The following RHOF variants were observed in gnomAD, a reference collection of about 807,000 sequenced individuals.
The protein encoded by RHOF is ras homolog family member F, filopodia associated.
A neutral mutation model predicts 22.2 loss-of-function variants in RHOF; 21 were observed. The observed-to-expected ratio is 0.95, with a 90% CI of 0.67 to 1.36. The LOEUF is 1.36. Among genes scored for constraint, RHOF ranks in the 40% most tolerant of loss-of-function variants. RHOF has a pLI of 0.00. For missense variants in RHOF, 285 were observed against 293.7 expected, an observed-to-expected ratio of 0.97 and a Z score of 0.22; for synonymous variants, 135 against 131.2, an observed-to-expected ratio of 1.03 and a Z score of -0.20.
rs3741588 is a variant in RHOF at position 121,778,986 on chromosome 12, A to G, written c.*512T>C. ...ATGGGAGGGGTGGGTGCCAGGCTGC[A>G]GCCTGTGTCCTCCTGATAGGCCCAG... On this transcript the variant is annotated 3_prime_UTR_variant, in exon 5 of 5. Transcript: ENST00000267205. 0.21 allele frequency: 32,227 copies of G among 155,938 alleles called. 3,844 individuals are homozygous for G. Among genetic ancestry groups the G allele is most frequent in the African/African-American group, 0.33 (13,773 of 41,534 alleles). The allele number at this position is 155,938 out of a possible 1,614,324, so 9.7% of individuals were successfully genotyped here. A position where few individuals can be genotyped will look rare whatever the true frequency, so the allele number is the denominator to read the frequency against.
chr12:121,779,872 T>C (rs771673833), intron 4 of RHOF: 1 of 573,522 alleles, frequency 1.7e-6, no homozygotes, highest in Non-Finnish European at 3.1e-6. Flanking sequence ...AGAAGCCCTG[T>C]CCAGGCCCCC....
intron 4 of RHOF, 55 bp downstream of exon 4, chr12:121,780,817 G>A: frequency 6.4e-7 from 1 of 1,564,598 alleles, no homozygotes; most frequent in Non-Finnish European, 8.6e-7. Flanking sequence ...AGAGGCCAAA[G>A]GTCCGGGAGG....
intron 2 of RHOF, among the ~76,000 whole-genome samples, chr12:121,791,148 T>A (rs1467734575): frequency 6.6e-6 from 1 of 151,324 alleles, no homozygotes; most frequent in Admixed American, 6.6e-5. Flanking sequence ...TGCTGGGAGA[T>A]GTAGTCTCGC....
intron 2 of RHOF, among the ~76,000 whole-genome samples, chr12:121,785,982 T>C (rs1874598632): frequency 6.6e-6 from 1 of 151,856 alleles, no homozygotes. Flanking sequence ...TGGCGTGATC[T>C]CGGCTCACTG....
chr12:121,791,435 G>C (rs968787151), intron 2 of RHOF, among the ~76,000 whole-genome samples: 1 of 152,088 alleles, frequency 6.6e-6, no homozygotes, highest in African/African-American at 2.4e-5. Context: ...CCAATGATAC[G>C]TAGCCAATAG....
chr12:121,785,209 G>A (rs187449091), intron 2 of RHOF, among the ~76,000 whole-genome samples: 15 of 152,188 alleles, frequency 9.9e-5, no homozygotes, highest in South Asian at 4.1e-4. Flanking sequence ...AGGAAGGGGC[G>A]AATCATATCC....
At chr12:121,789,675 G>T (rs1227501536) in intron 2 of RHOF, among the ~76,000 whole-genome samples, 1 of 152,208 alleles carries the variant, frequency 6.6e-6, no homozygotes, top group Non-Finnish European at 1.5e-5. Context: ...GGCAGCCCCA[G>T]CTGGGAGTTG....
Position 121,793,579 on chromosome 12 carries a change from C to A in RHOF, c.55G>T (p.Glu19Ter), listed in dbSNP as rs865802827. ...QTAAPGPGRK[E>*]LKIVIVGDGG... The stretch of plus-strand genomic sequence containing the variant: ...TCGCCCACGATCACGATCTTCAGCT[C>A]CTTCCTGCCCGGACCGGGGGCGGCG... The change falls in exon 1 of 5, where the codon GAG becomes TAG. Residue 19 changes from glutamate to a stop codon, truncating the protein, a stop_gained. Transcript: ENST00000267205. LOFTEE classifies it high-confidence loss of function. The A allele has an allele frequency of 1.3e-6, 2 of 1,553,188 alleles. No individual in the cohort carries two copies. Among genetic ancestry groups the A allele is most frequent in the Middle Eastern group, 2.1e-4 (1 of 4,770 alleles).
At chr12:121,779,811 A>G in intron 4 of RHOF, 149 bp from the exon 5 acceptor site, 1 of 811,232 alleles carries the variant, frequency 1.2e-6, no homozygotes, top group South Asian at 1.7e-5. Flanking sequence ...GCTGCCCCTC[A>G]CAGTGTGTGG....
rs1287022150 is a variant in RHOF, at chr12:121,785,417, CTTTACTTTTTTTT to C, written c.227-4238_227-4226del. Among the ~76,000 whole-genome samples, 80 of 90,840 alleles carry C rather than the reference CTTTACTTTTTTTT, an allele frequency of 8.8e-4. 2 individuals are homozygous for C. In the East Asian group the frequency reaches 0.013, roughly 15 times the overall value. 59.6% of individuals were successfully genotyped at this position (90,840 alleles called of 152,430 possible). A position where few individuals can be genotyped will look rare whatever the true frequency, so the allele number is the denominator to read the frequency against. ...GACGTCTTCTCTCATTTCTTTTTTTCTTTACTTTTTTTTTTTTTTTTTTTTTGGAGACAGGGTC... is the reference window on the plus strand; with the variant it reads ...GACGTCTTCTCTCATTTCTTTTTTTCTTTTTTTTTTTTTGGAGACAGGGTC... On this transcript the variant is annotated intron_variant, in intron 2 of 4. Transcript: ENST00000267205.
intron 2 of RHOF, among the ~76,000 whole-genome samples, chr12:121,787,143 C>T (rs993047862): frequency 6.6e-6 from 1 of 152,138 alleles, no homozygotes; most frequent in African/African-American, 2.4e-5. Context: ...ACTGTTGGGT[C>T]CCTGGGAACA....
Position 121,793,586 on chromosome 12 carries a change from G to T in RHOF, c.48C>A (p.Gly16=), listed in dbSNP as rs1408100024. 1 of 1,552,772 alleles carries T rather than the reference G, an allele frequency of 6.4e-7. No individual in the cohort carries two copies. ...ALAQTAAPGP[G]RKELKIVIVG... is the part of the protein sequence containing the mutation. The stretch of plus-strand genomic sequence containing the variant: ...CGATCACGATCTTCAGCTCCTTCCT[G>T]CCCGGACCGGGGGCGGCGGTCTGGG... The change falls in exon 1 of 5, where the codon GGC becomes GGA. Residue 16 remains glycine, a synonymous_variant. Coordinates refer to ENST00000267205, the MANE Select transcript of RHOF (RefSeq NM_019034.3).
intron 2 of RHOF, among the ~76,000 whole-genome samples, chr12:121,790,049 G>A (rs771615862): frequency 6.6e-6 from 1 of 152,236 alleles, no homozygotes; most frequent in Non-Finnish European, 1.5e-5. Context: ...AGCAGTGAGT[G>A]CCATGGCCCC....
rs1287800394 is a variant in RHOF at position 121,780,880 on chromosome 12, A to AG, written c.462dup (p.Tyr155LeufsTer69). 18 of 1,613,344 alleles carry AG rather than the reference A, an allele frequency of 1.1e-5. No homozygotes were observed. The highest frequency in any genetic ancestry group is 1.5e-5 in the Non-Finnish European group (18 of 1,179,816). On this transcript the variant is annotated frameshift_variant, in exon 4 of 5. Coordinates refer to ENST00000267205, the MANE Select transcript of RHOF (RefSeq NM_019034.3). LOFTEE classifies it high-confidence loss of function. ...TCTTGGCCCCGGCCCACCTGCATGTAGGTGATGGGCTCCAGCTGGGCGGCC... is the reference window on the plus strand; with the variant it reads ...TCTTGGCCCCGGCCCACCTGCATGTAGGGTGATGGGCTCCAGCTGGGCGGCC...
chr12:121,779,782 G>C, intron 4 of RHOF, 120 bp from the exon 5 acceptor site: 1 of 1,041,010 alleles, frequency 9.6e-7, no homozygotes, highest in Non-Finnish European at 1.4e-6. Flanking sequence ...GTTTGGGCCT[G>C]TCTGTCTCCT....
At position 121,780,999 on chromosome 12, in the gene RHOF, G is replaced by A. The variant is rs1397064772; in HGVS notation, c.344C>T (p.Pro115Leu). 2 of 1,613,646 alleles carry A rather than the reference G, an allele frequency of 1.2e-6. No homozygotes were observed. The highest frequency in any genetic ancestry group is 3.3e-5 in the Admixed American group (2 of 60,012). Residue 115 changes from proline to leucine, a missense_variant, in exon 4 of 5, where the codon CCT becomes CTT. Physicochemically the swap from Pro to Leu is moderately conservative, Grantham distance 98. Coordinates refer to ENST00000267205, the MANE Select transcript of RHOF (RefSeq NM_019034.3). The part of the protein sequence containing the change: ...SYDNVLIKWF[P>L]EVTHFCRGIP... The stretch of plus-strand genomic sequence containing the variant: ...CCCGCGGCAGAAATGCGTGACCTCA[G>A]GGAACCACTGTGGAGGGAGGAGGCG...
chr12:121,779,297 T>C lies in RHOF; in HGVS notation c.*201A>G, dbSNP rs1874352195. On this transcript the variant is annotated 3_prime_UTR_variant, in exon 5 of 5. Transcript: ENST00000267205. ...GGCTCCTGCACCCACATCACCACCA[T>C]GTCCCAGGGGCAGCCTGGAGGGGAG... is the stretch of plus-strand genomic sequence containing the variant. 1.6e-5 allele frequency: 10 copies of C among 616,616 alleles called. No individual in the cohort carries two copies. The highest frequency in any genetic ancestry group is 2.8e-5 in the Non-Finnish European group (10 of 355,994). 38.2% of individuals were successfully genotyped at this position (616,616 alleles called of 1,614,324 possible).
At chr12:121,787,921 C>CG (rs1874654652) in intron 2 of RHOF, among the ~76,000 whole-genome samples, 1 of 29,614 alleles carries the variant, frequency 3.4e-5, no homozygotes, top group African/African-American at 1.2e-4. Context: ...GGGGGGGGGG[C>CG]GGGGTTTGCT....
At position 121,780,904 on chromosome 12, in the gene RHOF, C is replaced by T. The variant is rs1452972086; in HGVS notation, c.439G>A (p.Ala147Thr). 1 of 1,613,782 alleles carries T rather than the reference C, an allele frequency of 6.2e-7. No individual in the cohort carries two copies. ...KDKEQLRKLR[A>T]AQLEPITYMQ... is the part of the protein sequence containing the mutation. Reference sequence around the variant, plus strand: ...TAGGTGATGGGCTCCAGCTGGGCGGCCCGGAGCTTCCGCAGCTGCTCCTTG... The same window carrying T: ...TAGGTGATGGGCTCCAGCTGGGCGGTCCGGAGCTTCCGCAGCTGCTCCTTG... The change falls in exon 4 of 5, where the codon GCC (alanine) becomes ACC (threonine). Residue 147 changes from alanine to threonine, a missense_variant. By Grantham distance (58) the Ala-to-Thr change is moderately conservative (BLOSUM62 0). Transcript: ENST00000267205.
Sources: gnomAD v4.1 joint callset for allele counts (sites outside exome capture counted in the v4.1 genomes callset) on GRCh38, gnomAD v4.1.1 for gene constraint, MANE v1.5 for transcripts, NCBI Gene and HGNC (gene_info 2026-07-23, HGNC 2026-07-21) for gene names.